CNTN5: variants seen among roughly 807,000 people sequenced by gnomAD.
The protein encoded by CNTN5 is contactin-5.
A neutral mutation model predicts 129.1 loss-of-function variants in CNTN5; 77 were observed. The observed-to-expected ratio is 0.60, with a 90% CI of 0.50 to 0.72. CNTN5 has a LOEUF of 0.72. Among genes scored for constraint, CNTN5 ranks in the 30% least tolerant of loss-of-function variants. The pLI, the probability that CNTN5 is intolerant of heterozygous loss-of-function variation, is 0.00. For missense variants in CNTN5, 1,478 were observed against 1,328.8 expected (o/e 1.11, Z -1.75); for synonymous variants, 509 against 465.6 (o/e 1.09, Z -1.20).
intron 9 of CNTN5, among the ~76,000 whole-genome samples, chr11:100,060,388 T>G (rs1308818177): frequency 1.3e-5 from 2 of 151,930 alleles, no homozygotes; most frequent in African/African-American, 4.8e-5. Context: ...TATACAAAAT[T>G]TATATTTAAA....
intron 3 of CNTN5, among the ~76,000 whole-genome samples, chr11:99,725,877 C>A (rs569750217): frequency 6.6e-6 from 1 of 152,274 alleles, no homozygotes; most frequent in South Asian, 2.1e-4. Flanking sequence ...TGTAATGTGG[C>A]CTTTTAAATC....
chr11:99,402,147 A>T (rs542228649), intron 2 of CNTN5, among the ~76,000 whole-genome samples: 1 of 152,308 alleles, frequency 6.6e-6, no homozygotes, highest in East Asian at 1.9e-4. Flanking sequence ...GTCATGTTCC[A>T]GATCTTAGAA....
chr11:99,119,950 C>T (rs755599365), intron 1 of CNTN5, among the ~76,000 whole-genome samples: 2 of 151,780 alleles, frequency 1.3e-5, no homozygotes, highest in African/African-American at 2.4e-5. Flanking sequence ...ATGTATTTTG[C>T]CTATTTTTGG....
At chr11:100,281,411 G>A (rs150516995) in intron 18 of CNTN5, among the ~76,000 whole-genome samples, 1,522 of 151,936 alleles carry the variant, frequency 0.01, 26 homozygotes, top group African/African-American at 0.035. Flanking sequence ...ATGTCATACC[G>A]CTCTCTCCTG....
intron 7 of CNTN5, among the ~76,000 whole-genome samples, chr11:99,948,041 T>C (rs1336352754): frequency 1.3e-5 from 2 of 152,176 alleles, no homozygotes; most frequent in Admixed American, 6.6e-5. Context: ...ATAAGAAAAC[T>C]TTATTTTGCT....
chr11:100,256,025 T>C, intron 17 of CNTN5, 107 bp downstream of exon 17: 1 of 955,644 alleles, frequency 1.0e-6, no homozygotes, highest in Non-Finnish European at 1.5e-6. Context: ...TGAAATCTCT[T>C]TGTTATTTCT....
At chr11:99,775,370 A>ACTCATTC in intron 3 of CNTN5, among the ~76,000 whole-genome samples, 2 of 151,972 alleles carry the variant, frequency 1.3e-5, no homozygotes, top group Non-Finnish European at 2.9e-5. Context: ...AAATGGTTGG[A>ACTCATTC]CTGATTAAAT....
At chr11:100,088,303 C>A (rs1944632356) in intron 13 of CNTN5, among the ~76,000 whole-genome samples, 1 of 151,894 alleles carries the variant, frequency 6.6e-6, no homozygotes, top group Non-Finnish European at 1.5e-5. Flanking sequence ...ACATCTCTAA[C>A]AATCTAACAT....
At chr11:99,131,115 A>AGCTGGGC (rs71046663) in intron 1 of CNTN5, among the ~76,000 whole-genome samples, 2 of 141,068 alleles carry the variant, frequency 1.4e-5, no homozygotes, top group Non-Finnish European at 3.1e-5. Flanking sequence ...ACAAAAAATT[A>AGCTGGGC]CAGGCACCTG....
chr11:99,387,892 A>G (rs893246597), intron 2 of CNTN5, among the ~76,000 whole-genome samples: 1 of 152,094 alleles, frequency 6.6e-6, no homozygotes, highest in African/African-American at 2.4e-5. Context: ...AGGATTTTAC[A>G]TCTCAGTGGC....
At chr11:99,338,186 C>T (rs903355250) in intron 2 of CNTN5, among the ~76,000 whole-genome samples, 2 of 152,118 alleles carry the variant, frequency 1.3e-5, no homozygotes, top group Non-Finnish European at 2.9e-5. Context: ...GAAATATCTG[C>T]TATTTCATTC....
intron 3 of CNTN5, among the ~76,000 whole-genome samples, chr11:99,763,708 C>CA (rs781232577): frequency 2.0e-5 from 3 of 151,732 alleles, no homozygotes; most frequent in Non-Finnish European, 2.9e-5. Flanking sequence ...CAGCTGCTTA[C>CA]AAAAAAGATT....
At chr11:100,334,725 C>T (rs1285914885) in intron 21 of CNTN5, among the ~76,000 whole-genome samples, 1 of 152,046 alleles carries the variant, frequency 6.6e-6, no homozygotes. Context: ...ACGAACTAAG[C>T]TATGAAGATG....
intron 8 of CNTN5, among the ~76,000 whole-genome samples, chr11:99,983,711 G>T (rs1309991106): frequency 1.6e-4 from 24 of 152,138 alleles, no homozygotes; most frequent in Admixed American, 1.6e-3. Context: ...AAATAGATAT[G>T]ATTTTGGAAA....
intron 2 of CNTN5, among the ~76,000 whole-genome samples, chr11:99,475,173 T>C (rs1490316825): frequency 6.6e-6 from 1 of 152,064 alleles, no homozygotes; most frequent in Non-Finnish European, 1.5e-5. Flanking sequence ...CCACCCTCCC[T>C]CTTTACTGTG....
chr11:99,258,668 AATATTTCAAAT>A (rs1419326575), intron 1 of CNTN5, among the ~76,000 whole-genome samples: 13 of 151,998 alleles, frequency 8.6e-5, no homozygotes, highest in Admixed American at 8.6e-4. Flanking sequence ...TAATGGTAAT[AATATTTCAAAT>A]ATGTCAAATT....
intron 3 of CNTN5, among the ~76,000 whole-genome samples, chr11:99,593,727 C>T (rs1950045043): frequency 6.6e-6 from 1 of 152,122 alleles, no homozygotes; most frequent in Admixed American, 6.6e-5. Context: ...AAAGCTATTC[C>T]TGTATTATTG....
intron 13 of CNTN5, among the ~76,000 whole-genome samples, chr11:100,114,552 G>A (rs932565027): frequency 6.6e-5 from 10 of 151,994 alleles, no homozygotes; most frequent in East Asian, 1.9e-4. Context: ...TTCAGGGCTC[G>A]CCTTTGTCCA....
intron 2 of CNTN5, among the ~76,000 whole-genome samples, chr11:99,528,347 T>C (rs1666443414): frequency 6.6e-6 from 1 of 152,170 alleles, no homozygotes; most frequent in Non-Finnish European, 1.5e-5. Context: ...ATACATGTAA[T>C]AGTTACGAGC....
Sources: gnomAD v4.1 joint callset for allele counts (sites outside exome capture counted in the v4.1 genomes callset) on GRCh38, gnomAD v4.1.1 for gene constraint, MANE v1.5 for transcripts, NCBI Gene and HGNC (gene_info 2026-07-23, HGNC 2026-07-21) for gene names.